Variants in ABR observed in about 807,000 individuals in gnomAD.
ABR encodes active breakpoint cluster region-related protein.
ABR carries 35 observed loss-of-function variants against 107.2 expected under a neutral mutation model. That is an observed-to-expected ratio of 0.33 (90% CI 0.25 to 0.43). The LOEUF is 0.43. Among genes scored for constraint, ABR ranks in the 20% least tolerant of loss-of-function variants. ABR has a pLI of 1.00. For synonymous variants in ABR, 498 were observed against 462.0 expected (o/e 1.08, Z -1.00); for missense variants, 815 against 1,115.2 (o/e 0.73, Z 3.83).
chr17:1,076,497 A>G (rs1386082848), intron 6 of ABR, among the ~76,000 whole-genome samples: 1 of 152,050 alleles, frequency 6.6e-6, no homozygotes, highest in Non-Finnish European at 1.5e-5. Context: ...TGGGCTCCGG[A>G]GTGGCGGCTC....
Position 1,102,057 on chromosome 17 carries a change from A to C in ABR, c.247-1322T>G, listed in dbSNP as rs570394348. Among the ~76,000 whole-genome samples, 273 of 152,208 alleles carry C rather than the reference A, an allele frequency of 1.8e-3. 1 individual carries two copies. Among genetic ancestry groups the C allele is most frequent in the African/African-American group, 6.1e-3 (254 of 41,538 alleles). Reference sequence around the variant, plus strand: ...CGGAAAGACATTTAAAAAACAAGTAAAGATTCGGCCCTAGACTGGGACATG... The same window carrying C: ...CGGAAAGACATTTAAAAAACAAGTACAGATTCGGCCCTAGACTGGGACATG... On this transcript the variant is annotated intron_variant, in intron 2 of 22. Coordinates refer to ENST00000302538, the MANE Select transcript of ABR (RefSeq NM_021962.5).
chr17:1,112,862 C>G (rs1395395018), intron 2 of ABR, among the ~76,000 whole-genome samples: 1 of 146,520 alleles, frequency 6.8e-6, no homozygotes, highest in Non-Finnish European at 1.5e-5. Context: ...TCCATTCCCT[C>G]CTTCCCTGAC....
At chr17:1,023,219 C>G (rs2071864915) in intron 16 of ABR, among the ~76,000 whole-genome samples, 1 of 152,266 alleles carries the variant, frequency 6.6e-6, no homozygotes, top group Admixed American at 6.5e-5. Context: ...GAGCCTCTGC[C>G]TGCCCTGGCA....
In ABR at chr17:1,148,465, A is replaced by G. The variant is rs1383582034; in HGVS notation, c.62-23098T>C. On this transcript the variant is annotated intron_variant, in intron 1 of 22. Coordinates refer to ENST00000302538, the MANE Select transcript of ABR (RefSeq NM_021962.5). This position sits in a 1 kb window ranked among gnomAD's most constrained non-coding sequence, Gnocchi z 4.9. The stretch of plus-strand genomic sequence containing the variant: ...GAAACGGGGAGCTGTTGTTCAATAC[A>G]GGGGTCCCCAGCCCCCCCGGGCATG... Among the ~76,000 whole-genome samples, 1 of 152,150 alleles carries G rather than the reference A, an allele frequency of 6.6e-6. No individual in the cohort carries two copies. The highest frequency in any genetic ancestry group is 1.5e-5 in the Non-Finnish European group (1 of 68,024).
At chr17:1,044,674 C>T (rs1459852444) in intron 16 of ABR, among the ~76,000 whole-genome samples, 2 of 151,830 alleles carry the variant, frequency 1.3e-5, no homozygotes, top group Admixed American at 6.6e-5. Flanking sequence ...ATACCTCTTC[C>T]GGCCAAACCC....
rs1190416632 is a variant in ABR at position 1,070,575 on chromosome 17, C to T, written c.895-485G>A. Among the ~76,000 whole-genome samples the T allele has an allele frequency of 2.0e-5, 3 of 152,072 alleles. No individual in the cohort carries two copies. The highest frequency in any genetic ancestry group is 2.9e-5 in the Non-Finnish European group (2 of 67,988). On this transcript the variant is annotated intron_variant, in intron 8 of 22. Transcript: ENST00000302538. The surrounding 1 kb of genome is among the most constrained non-coding windows in gnomAD (Gnocchi z 4.2). ...ATCTAGCCCCGGCTCAACCGAGACC[C>T]GAGACCCGAGACCCACTCAGGCCTG... is the stretch of plus-strand genomic sequence containing the variant.
intron 1 of ABR, among the ~76,000 whole-genome samples, chr17:1,201,240 A>T (rs2042665367): frequency 6.6e-6 from 1 of 152,194 alleles, no homozygotes; most frequent in Admixed American, 6.5e-5. Context: ...GCTTTAGGTC[A>T]GGATGTGGGT....
chr17:1,192,514 C>T (rs976596530), intron 1 of ABR, among the ~76,000 whole-genome samples: 1 of 151,758 alleles, frequency 6.6e-6, no homozygotes, highest in African/African-American at 2.4e-5. Context: ...CGGGGGCTCA[C>T]ACCTGTAATC....
chr17:1,058,999 T>C, intron 10 of ABR, 132 bp from the exon 11 acceptor site: 1 of 1,366,168 alleles, frequency 7.3e-7, no homozygotes, highest in Non-Finnish European at 9.9e-7. Context: ...TTTGACATCT[T>C]GTGGCAGGAG....
intron 1 of ABR, among the ~76,000 whole-genome samples, chr17:1,144,585 AG>A (rs2040452336): frequency 8.0e-6 from 1 of 125,286 alleles, no homozygotes; most frequent in Admixed American, 7.8e-5. Flanking sequence ...TCAGTCAATC[AG>A]GCAAAAAAAA....
chr17:1,109,190 G>A, intron 2 of ABR: 1 of 1,314,650 alleles, frequency 7.6e-7, no homozygotes, highest in Non-Finnish European at 1.0e-6. Flanking sequence ...CCCGGCCTGG[G>A]GCTCCCGACC....
rs1337413812 is a variant in ABR at position 1,051,220 on chromosome 17, C to T, written c.1562-586G>A. ...CTGTGGTTTCCTCCGCTGCACTTAA[C>T]ATAAACCAAAGGGATCTTCTCTACT... On this transcript the variant is annotated intron_variant, in intron 14 of 22. Transcript: ENST00000302538. The surrounding 1 kb of genome is among the most constrained non-coding windows in gnomAD (Gnocchi z 4.3). 2.0e-5 allele frequency among the ~76,000 whole-genome samples: 3 copies of T among 152,144 alleles called. No homozygotes were observed.
Position 1,123,457 on chromosome 17 carries a change from C to T in ABR, c.246+1726G>A, listed in dbSNP as rs185477380. Among the ~76,000 whole-genome samples the T allele has an allele frequency of 1.6e-4, 25 of 152,310 alleles. No homozygotes were observed. The East Asian group carries it at 2.7e-3, about 16-fold the overall frequency. On this transcript the variant is annotated intron_variant, in intron 2 of 22. Transcript: ENST00000302538. The stretch of plus-strand genomic sequence containing the variant: ...GGAGCGCCAGGCGGGGGCATCTGTG[C>T]GTGACGCCCGTGATCTGTCTCCCGA...
At chr17:1,060,353 T>C (rs960123857) in intron 10 of ABR, among the ~76,000 whole-genome samples, 1 of 152,018 alleles carries the variant, frequency 6.6e-6, no homozygotes, top group Admixed American at 6.6e-5. Flanking sequence ...GAAGTTCCAG[T>C]GAGCCCAAAT....
Position 1,009,755 on chromosome 17 carries a change from A to G in ABR, c.2266T>C (p.Cys756Arg). The G allele has an allele frequency of 1.2e-6, 2 of 1,614,138 alleles. No homozygotes were observed. The highest frequency in any genetic ancestry group is 1.7e-6 in the Non-Finnish European group (2 of 1,180,024). The change falls in exon 21 of 23, where the codon TGC (cysteine) becomes CGC (arginine). Residue 756 changes from cysteine (C) to arginine (R), a missense_variant. Around this residue, in one of 5 missense-constraint regions of ABR, gnomAD observed 175 missense variants for 284.3 expected, o/e 0.62. Transcript: ENST00000302538. ...AGGGAGCGGAGCAGGTGCATCATGCAGTTTTCCTTGGCAGCAGGGTCTGAC... is the reference window on the plus strand; with the variant it reads ...AGGGAGCGGAGCAGGTGCATCATGCGGTTTTCCTTGGCAGCAGGGTCTGAC... ...ALSDPAAKEN[C>R]MMHLLRSLPD...
chr17:1,134,448 TAAATA>T (rs2039974506), intron 1 of ABR, among the ~76,000 whole-genome samples: 1 of 151,912 alleles, frequency 6.6e-6, no homozygotes, highest in African/African-American at 2.4e-5. Flanking sequence ...TTAAATTAAA[TAAATA>T]AAAGAACAGA....
At chr17:1,186,465 T>C (rs906816995) in intron 1 of ABR, among the ~76,000 whole-genome samples, 3 of 152,184 alleles carry the variant, frequency 2.0e-5, no homozygotes, top group African/African-American at 4.8e-5. Context: ...ACTGCCTCCC[T>C]AGGCATCACT....
intron 1 of ABR, among the ~76,000 whole-genome samples, chr17:1,146,686 G>A (rs1295000091): frequency 1.5e-5 from 2 of 130,288 alleles, no homozygotes; most frequent in African/African-American, 6.1e-5. Flanking sequence ...ACTGCCACAC[G>A]ACACCACTGC....
intron 1 of ABR, among the ~76,000 whole-genome samples, chr17:1,130,578 C>T (rs2039782242): frequency 6.6e-6 from 1 of 152,198 alleles, no homozygotes; most frequent in Admixed American, 6.5e-5. Context: ...CTCCTTCTAG[C>T]TCCCTGCGGT....
Sources: gnomAD v4.1 joint callset for allele counts (sites outside exome capture counted in the v4.1 genomes callset) on GRCh38, gnomAD v4.1.1 for gene constraint, gnomAD v4.1.1 regional missense constraint, Gnocchi (gnomAD v3.1) non-coding constraint, MANE v1.5 for transcripts, NCBI Gene and HGNC (gene_info 2026-07-23, HGNC 2026-07-21) for gene names.